Variants in SH3RF1 observed in about 807,000 individuals in gnomAD.
The protein encoded by SH3RF1 is E3 ubiquitin-protein ligase SH3RF1.
SH3RF1 carries 32 observed loss-of-function variants against 74.0 expected under a neutral mutation model. The ratio of observed to expected loss-of-function variants is 0.43; its 90% CI spans 0.33 to 0.58. The LOEUF is 0.58. Ranked by LOEUF, SH3RF1 falls within the 20% of genes least tolerant of loss-of-function variation. The pLI, the probability that SH3RF1 is intolerant of heterozygous loss-of-function variation, is 0.05. For synonymous variants in SH3RF1, 396 were observed against 439.6 expected (o/e 0.90, Z 1.24); for missense variants, 954 against 1,130.9 (o/e 0.84, Z 2.24).
In SH3RF1 at chr4:169,197,641, C is replaced by T. The variant is rs1414235003; in HGVS notation, c.394-40962G>A. Among the ~76,000 whole-genome samples the T allele has an allele frequency of 2.9e-5, 3 of 103,712 alleles. 1 individual carries two copies. Among genetic ancestry groups the T allele is most frequent in the South Asian group, 6.8e-4 (2 of 2,942 alleles). The allele number at this position is 103,712 out of a possible 152,430, so 68.0% of individuals were successfully genotyped here. On this transcript the variant is annotated intron_variant, in intron 2 of 11. Transcript: ENST00000284637. ...CTCTGTCTCAAAAAAAAAAAAAAAG[C>T]CCACCTTAGAATAATTGTGTTTGTT...
chr4:169,120,844 C>T lies in SH3RF1; in HGVS notation c.1492G>A (p.Gly498Ser), dbSNP rs201575808. 3.1e-6 allele frequency: 5 copies of T among 1,614,000 alleles called. No individual in the cohort carries two copies. Among genetic ancestry groups the T allele is most frequent in the Admixed American group, 3.3e-5 (2 of 60,000 alleles). ...CTTGTGACTGGTGCCACATAATTGCCAGGGAAAACCCCTATCTTGCTGGTA... is the reference window on the plus strand; with the variant it reads ...CTTGTGACTGGTGCCACATAATTGCTAGGGAAAACCCCTATCTTGCTGGTA... ...MHTSKIGVFPGNYVAPVTRAV... is the reference protein window; with the variant it reads ...MHTSKIGVFPSNYVAPVTRAV... The change falls in exon 8 of 12, where the codon GGC (glycine) becomes AGC (serine). Residue 498 changes from glycine (G) to serine (S), a missense_variant. Gly to Ser is a moderately conservative substitution (Grantham distance 56). Transcript: ENST00000284637.
chr4:169,204,244 G>A (rs1332197085), intron 2 of SH3RF1: 5 of 152,212 alleles, frequency 3.3e-5, no homozygotes, highest in East Asian at 1.9e-4. Flanking sequence ...CAAAGGTTCC[G>A]AGTACTGTAG....
chr4:169,114,890 A>G (rs1733305815), intron 10 of SH3RF1, among the ~76,000 whole-genome samples: 2 of 152,214 alleles, frequency 1.3e-5, no homozygotes, highest in South Asian at 4.1e-4. Flanking sequence ...ATTACCACTT[A>G]ACCAGGTGGC....
intron 10 of SH3RF1, among the ~76,000 whole-genome samples, chr4:169,109,746 A>T (rs1284045703): frequency 2.6e-5 from 4 of 152,174 alleles, no homozygotes; most frequent in Non-Finnish European, 2.9e-5. Context: ...ACAGTGGCTC[A>T]CACCTGTAAT....
At chr4:169,224,054 T>C (rs959318396) in intron 2 of SH3RF1, among the ~76,000 whole-genome samples, 13 of 152,250 alleles carry the variant, frequency 8.5e-5, no homozygotes, top group African/African-American at 2.7e-4. Context: ...TGTGGTCTTG[T>C]TGTATTTAGC....
chr4:169,215,267 C>T (rs1279929061), intron 2 of SH3RF1, among the ~76,000 whole-genome samples: 1 of 152,120 alleles, frequency 6.6e-6, no homozygotes, highest in Non-Finnish European at 1.5e-5. Flanking sequence ...ATTGATTTTT[C>T]AATACTGAAC....
chr4:169,270,242 C>G (rs1731424990), intron 1 of SH3RF1, among the ~76,000 whole-genome samples: 1 of 152,150 alleles, frequency 6.6e-6, no homozygotes, highest in Non-Finnish European at 1.5e-5. Context: ...ACCCCCGCTC[C>G]CACGGCGCCA....
intron 2 of SH3RF1, among the ~76,000 whole-genome samples, chr4:169,190,614 T>C (rs1028526230): frequency 6.7e-6 from 1 of 148,764 alleles, no homozygotes; most frequent in Non-Finnish European, 1.5e-5. Flanking sequence ...CAGTACCAGA[T>C]GGATTCACAG....
At position 169,106,940 on chromosome 4, in the gene SH3RF1, A is replaced by G; in HGVS notation, c.2405T>C (p.Leu802Pro). The G allele has an allele frequency of 6.2e-7, 1 of 1,613,884 alleles. No homozygotes were observed. The highest frequency in any genetic ancestry group is 8.5e-7 in the Non-Finnish European group (1 of 1,180,026). Residue 802 changes from leucine (L) to proline (P), a missense_variant, in exon 11 of 12, where the codon CTG becomes CCG. By Grantham distance (98) the Leu-to-Pro change is moderately conservative. Transcript: ENST00000284637. ...QDAFHRKASSLDSAVPIAPPP... is the reference protein window; with the variant it reads ...QDAFHRKASSPDSAVPIAPPP... Reference sequence around the variant, plus strand: ...TGGAGCGATGGGAACTGCGGAGTCCAGGGAACTTGCCTTCCTATGAAAAGC... The same window carrying G: ...TGGAGCGATGGGAACTGCGGAGTCCGGGGAACTTGCCTTCCTATGAAAAGC...
intron 2 of SH3RF1, among the ~76,000 whole-genome samples, chr4:169,250,812 C>CT (rs145779154): frequency 0.037 from 5,632 of 152,068 alleles, 349 homozygotes; most frequent in African/African-American, 0.13. Flanking sequence ...AGGGGTGGGG[C>CT]TTTTTTGGAT....
intron 2 of SH3RF1, among the ~76,000 whole-genome samples, chr4:169,219,211 T>C (rs1336664544): frequency 6.6e-6 from 1 of 152,200 alleles, no homozygotes; most frequent in Non-Finnish European, 1.5e-5. Flanking sequence ...CCCCAGAGTC[T>C]GTATTAAGAC....
At chr4:169,223,315 G>A (rs1374242179) in intron 2 of SH3RF1, among the ~76,000 whole-genome samples, 1 of 152,102 alleles carries the variant, frequency 6.6e-6, no homozygotes, top group Non-Finnish European at 1.5e-5. Flanking sequence ...CATATAATAA[G>A]AAATACACAT....
chr4:169,199,626 A>AAAT (rs1734877100), intron 2 of SH3RF1, among the ~76,000 whole-genome samples: 2 of 151,740 alleles, frequency 1.3e-5, no homozygotes, highest in South Asian at 4.2e-4. Context: ...CAAAAAAAAA[A>AAAT]AAATAAATAA....
intron 2 of SH3RF1, among the ~76,000 whole-genome samples, chr4:169,264,187 A>T (rs1731318855): frequency 6.6e-6 from 1 of 152,238 alleles, no homozygotes; most frequent in South Asian, 2.1e-4. Flanking sequence ...GGAGGCTGGA[A>T]GTCCAAGATC....
chr4:169,215,538 G>A (rs950097122), intron 2 of SH3RF1, among the ~76,000 whole-genome samples: 2 of 152,122 alleles, frequency 1.3e-5, no homozygotes, highest in Non-Finnish European at 2.9e-5. Flanking sequence ...TCTTCCTTCA[G>A]TGTTTGGTAG....
intron 11 of SH3RF1, among the ~76,000 whole-genome samples, chr4:169,099,740 C>CA (rs1228039536): frequency 4.6e-5 from 7 of 151,292 alleles, no homozygotes; most frequent in African/African-American, 1.7e-4. Context: ...CCAATTTTGT[C>CA]AAAAAAAAAT....
At chr4:169,244,853 A>G (rs1730969400) in intron 2 of SH3RF1, among the ~76,000 whole-genome samples, 2 of 152,220 alleles carry the variant, frequency 1.3e-5, no homozygotes, top group Admixed American at 1.3e-4. Flanking sequence ...TATTAATTTA[A>G]AAGTGGTATA....
chr4:169,226,783 T>C (rs1730658795), intron 2 of SH3RF1, among the ~76,000 whole-genome samples: 1 of 152,208 alleles, frequency 6.6e-6, no homozygotes, highest in Admixed American at 6.5e-5. Flanking sequence ...ATAACTGTGA[T>C]TGGGATGATG....
At chr4:169,249,523 T>TA (rs1368118142) in intron 2 of SH3RF1, among the ~76,000 whole-genome samples, 1 of 152,226 alleles carries the variant, frequency 6.6e-6, no homozygotes, top group Non-Finnish European at 1.5e-5. Context: ...AGTCTCTAGT[T>TA]ACAGCAGCAG....
Sources: allele counts gnomAD v4.1 joint callset (sites outside exome capture counted in the v4.1 genomes callset), GRCh38; gene constraint gnomAD v4.1.1; transcripts MANE v1.5; gene names NCBI Gene and HGNC (gene_info 2026-07-23, HGNC 2026-07-21).